MCMDC2: variants seen among roughly 807,000 people sequenced by gnomAD.
MCMDC2 encodes the protein minichromosome maintenance domain-containing protein 2.
MCMDC2 carries 54 observed loss-of-function variants against 75.8 expected under a neutral mutation model. The observed-to-expected ratio is 0.71, with a 90% CI of 0.57 to 0.89. The LOEUF is 0.89. Ranked by LOEUF, MCMDC2 falls within the 40% of genes least tolerant of loss-of-function variation. The probability of loss-of-function intolerance (pLI) is 0.00; values close to 1 mark genes in which losing one functional copy is unlikely to be tolerated. For synonymous variants in MCMDC2, 249 were observed against 274.6 expected (o/e 0.91, Z 0.92); for missense variants, 656 against 780.4 (o/e 0.84, Z 1.90).
downstream of MCMDC2, among the ~76,000 whole-genome samples, chr8:66,924,736 T>C (rs1348679232): frequency 6.6e-6 from 1 of 152,114 alleles, no homozygotes; most frequent in Non-Finnish European, 1.5e-5. Flanking sequence ...CACATCTCTA[T>C]GTAAATACAA....
At chr8:66,925,129 T>G (rs1458087501), downstream of MCMDC2, among the ~76,000 whole-genome samples, 1 of 152,136 alleles carries the variant, frequency 6.6e-6, no homozygotes, top group Non-Finnish European at 1.5e-5. Flanking sequence ...CTCCCGACGG[T>G]CCCTTGCAGG....
At chr8:66,917,913 G>A (rs1316269522) in intron 14 of MCMDC2, among the ~76,000 whole-genome samples, 3 of 152,116 alleles carry the variant, frequency 2.0e-5, no homozygotes, top group Non-Finnish European at 4.4e-5. Flanking sequence ...GTTCTTTTGG[G>A]TATATACCCA....
intron 5 of MCMDC2, 57 bp from the exon 6 acceptor site, chr8:66,878,517 A>G (rs1811404511): frequency 1.3e-6 from 2 of 1,511,950 alleles, no homozygotes; most frequent in African/African-American, 2.9e-5. Context: ...CAACAAAAGA[A>G]ACAAAATAGA....
At chr8:66,909,553 A>G (rs1428272973) in intron 14 of MCMDC2, among the ~76,000 whole-genome samples, 1 of 152,138 alleles carries the variant, frequency 6.6e-6, no homozygotes, top group Non-Finnish European at 1.5e-5. Context: ...GAGATGAGGA[A>G]GTTGTTTGGA....
At chr8:66,905,639 C>T (rs574455786) in intron 14 of MCMDC2, among the ~76,000 whole-genome samples, 1 of 152,198 alleles carries the variant, frequency 6.6e-6, no homozygotes, top group East Asian at 1.9e-4. Context: ...AATTTATCTT[C>T]CTTTTAAAAT....
At chr8:66,903,437 C>G (rs937047075) in intron 13 of MCMDC2, among the ~76,000 whole-genome samples, 4 of 152,046 alleles carry the variant, frequency 2.6e-5, no homozygotes, top group Admixed American at 2.0e-4. Context: ...CCTGGTTCTA[C>G]TTAACAATTA....
chr8:66,873,667 C>A (rs1225464763), intron 1 of MCMDC2, among the ~76,000 whole-genome samples: 1 of 152,070 alleles, frequency 6.6e-6, no homozygotes, highest in African/African-American at 2.4e-5. Flanking sequence ...GCTGGCGGAT[C>A]ACGAGGTCAG....
At chr8:66,900,083 T>C (rs1018809529) in intron 12 of MCMDC2, among the ~76,000 whole-genome samples, 1 of 151,324 alleles carries the variant, frequency 6.6e-6, no homozygotes, top group African/African-American at 2.4e-5. Context: ...TGCAGTGAGC[T>C]GAGATCGTGC....
rs898158257 is a variant in MCMDC2 at position 66,921,854 on chromosome 8, A to G, written c.*2685A>G. On this transcript the variant is annotated 3_prime_UTR_variant, in exon 15 of 15. Transcript: ENST00000422365. ...GAGAATCACCACCCATAAATAAGCTAATTATTGACAAGATTATAATCTTTC... is the reference window on the plus strand; with the variant it reads ...GAGAATCACCACCCATAAATAAGCTGATTATTGACAAGATTATAATCTTTC... 6.6e-6 allele frequency: 1 copy of G among 152,242 alleles called. No individual in the cohort carries two copies. Among genetic ancestry groups the G allele is most frequent in the Non-Finnish European group, 1.5e-5 (1 of 68,046 alleles). The allele number at this position is 152,242 out of a possible 1,614,324, so 9.4% of individuals were successfully genotyped here. A position where few individuals can be genotyped will look rare whatever the true frequency, so the allele number is the denominator to read the frequency against.
chr8:66,878,504 C>T (rs1231222026), intron 5 of MCMDC2, 70 bp from the exon 6 acceptor site: 1 of 1,433,184 alleles, frequency 7.0e-7, no homozygotes, highest in Admixed American at 2.5e-5. Flanking sequence ...TAAAAAATGA[C>T]AACAACAAAA....
At chr8:66,875,530 C>T (rs751545524) in intron 4 of MCMDC2, among the ~76,000 whole-genome samples, 6 of 152,274 alleles carry the variant, frequency 3.9e-5, no homozygotes, top group Admixed American at 1.3e-4. Context: ...CCACCCGCCT[C>T]GGCCTCCCAA....
intron 7 of MCMDC2, among the ~76,000 whole-genome samples, chr8:66,879,287 C>A (rs1811446479): frequency 1.3e-5 from 2 of 151,544 alleles, no homozygotes; most frequent in Non-Finnish European, 2.9e-5. Context: ...ATAATAATAA[C>A]AACAAAATAA....
chr8:66,911,376 T>C (rs778301433), intron 14 of MCMDC2, among the ~76,000 whole-genome samples: 14 of 152,240 alleles, frequency 9.2e-5, no homozygotes, highest in Non-Finnish European at 1.8e-4. Flanking sequence ...CCTTCCACTA[T>C]GACTGTAAGT....
chr8:66,881,189 A>G (rs1474296594), intron 8 of MCMDC2, among the ~76,000 whole-genome samples: 1 of 152,234 alleles, frequency 6.6e-6, no homozygotes, highest in African/African-American at 2.4e-5. Flanking sequence ...TAATAAGTAC[A>G]TGAAGGAAAT....
At chr8:66,899,356 T>C (rs1812515684) in intron 12 of MCMDC2, among the ~76,000 whole-genome samples, 1 of 152,172 alleles carries the variant, frequency 6.6e-6, no homozygotes, top group Non-Finnish European at 1.5e-5. Flanking sequence ...CATGCCATCT[T>C]AGAGAGAACT....
At chr8:66,925,966 T>C (rs955147854), downstream of MCMDC2, among the ~76,000 whole-genome samples, 1 of 151,978 alleles carries the variant, frequency 6.6e-6, no homozygotes, top group Non-Finnish European at 1.5e-5. Context: ...GCCAACATGG[T>C]GAAACCCCCA....
At chr8:66,888,810 T>A (rs554461285) in intron 9 of MCMDC2, among the ~76,000 whole-genome samples, 4 of 152,198 alleles carry the variant, frequency 2.6e-5, no homozygotes, top group Non-Finnish European at 5.9e-5. Flanking sequence ...TATCACTAAG[T>A]GCTCAGCCTA....
intron 14 of MCMDC2, among the ~76,000 whole-genome samples, chr8:66,918,356 A>C (rs1813397976): frequency 6.6e-6 from 1 of 152,044 alleles, no homozygotes; most frequent in African/African-American, 2.4e-5. Flanking sequence ...TGCAGTTTTA[A>C]ATTTTGATAT....
chr8:66,895,088 G>C (rs1812284526), intron 10 of MCMDC2, among the ~76,000 whole-genome samples: 1 of 152,182 alleles, frequency 6.6e-6, no homozygotes, highest in African/African-American at 2.4e-5. Context: ...TAAAATGGCA[G>C]AGTATTTGCA....
Sources: allele counts gnomAD v4.1 joint callset (sites outside exome capture counted in the v4.1 genomes callset), GRCh38; gene constraint gnomAD v4.1.1; transcripts MANE v1.5; gene names NCBI Gene and HGNC (gene_info 2026-07-23, HGNC 2026-07-21).